UNC79: variants seen among roughly 807,000 people sequenced by gnomAD.
The protein encoded by UNC79 is unc-79 subunit of NALCN channel complex, also known as protein unc-79 homolog.
In UNC79, 37 loss-of-function variants were observed where a neutral mutation model predicts 283.1. That is an observed-to-expected ratio of 0.13 (90% confidence interval 0.10 to 0.17). The LOEUF (loss-of-function observed/expected upper bound fraction) is 0.17. Ranked by LOEUF, UNC79 falls within the 10% of genes least tolerant of loss-of-function variation. UNC79 has a pLI of 1.00. For missense variants in UNC79, 2,272 were observed against 3,211.1 expected (o/e 0.71, Z 7.07); for synonymous variants, 1,107 against 1,200.2 (o/e 0.92, Z 1.61).
At chr14:93,665,539 G>A (rs1307877595) in intron 40 of UNC79, among the ~76,000 whole-genome samples, 1 of 151,912 alleles carries the variant, frequency 6.6e-6, no homozygotes, top group Non-Finnish European at 1.5e-5. Flanking sequence ...AATGAGCCCT[G>A]AAAGTATTAT....
At chr14:93,687,377 T>C (rs1409021058) in intron 43 of UNC79, among the ~76,000 whole-genome samples, 1 of 152,220 alleles carries the variant, frequency 6.6e-6, no homozygotes, top group Non-Finnish European at 1.5e-5. Flanking sequence ...ACTTTCCTGC[T>C]GTGATTCAAC....
intron 1 of UNC79, among the ~76,000 whole-genome samples, chr14:93,363,521 A>G (rs1221774822): frequency 6.6e-6 from 1 of 152,120 alleles, no homozygotes; most frequent in Non-Finnish European, 1.5e-5. Flanking sequence ...CATCTTTGTT[A>G]GTTTTCTGCT....
At chr14:93,347,612 G>A (rs1227843223) in intron 1 of UNC79, among the ~76,000 whole-genome samples, 1 of 152,086 alleles carries the variant, frequency 6.6e-6, no homozygotes, top group Non-Finnish European at 1.5e-5. Flanking sequence ...GCACAGGGGC[G>A]GAAAGCCCGG....
At position 93,352,480 on chromosome 14, in the gene UNC79, A is replaced by C. The variant is rs552724648; in HGVS notation, c.-351+18957A>C. ...CTCAAGTTATTGAGTACTCTCATGCAATAATACTGTATGTTGGGAAATGGT... is the reference window on the plus strand; with the variant it reads ...CTCAAGTTATTGAGTACTCTCATGCCATAATACTGTATGTTGGGAAATGGT... On this transcript the variant is annotated intron_variant, in intron 1 of 49. Transcript: ENST00000256339. Among the ~76,000 whole-genome samples the C allele has an allele frequency of 2.0e-5, 3 of 152,314 alleles. No individual in the cohort carries two copies. In the East Asian group the frequency reaches 5.8e-4, roughly 29 times the overall value.
At chr14:93,466,787 G>A (rs78013287) in intron 1 of UNC79, 51,575 of 928,350 alleles carry the variant, frequency 0.056, 1,536 homozygotes, top group East Asian at 0.072. Context: ...CCAGAGAGAC[G>A]TTGATCATCA....
intron 8 of UNC79, among the ~76,000 whole-genome samples, chr14:93,528,026 A>G (rs1222998696): frequency 1.3e-5 from 2 of 152,258 alleles, no homozygotes; most frequent in East Asian, 1.9e-4. Context: ...TTGATACAGA[A>G]CTAAGATTCC....
At chr14:93,425,039 G>T (rs980336863) in intron 1 of UNC79, among the ~76,000 whole-genome samples, 1 of 152,084 alleles carries the variant, frequency 6.6e-6, no homozygotes, top group Non-Finnish European at 1.5e-5. Context: ...CACATGGCAG[G>T]TGTATTAGTC....
chr14:93,358,234 C>A (rs2054152593), intron 1 of UNC79, among the ~76,000 whole-genome samples: 1 of 151,962 alleles, frequency 6.6e-6, no homozygotes, highest in Non-Finnish European at 1.5e-5. Context: ...ATTTGACACC[C>A]CTGAGAGGCA....
At chr14:93,572,936 G>A in intron 16 of UNC79, 120 bp downstream of exon 16, 1 of 1,330,666 alleles carries the variant, frequency 7.5e-7, no homozygotes, top group Non-Finnish European at 1.0e-6. Flanking sequence ...TGTTTGCCAA[G>A]AAAGTGTATC....
intron 1 of UNC79, among the ~76,000 whole-genome samples, chr14:93,459,146 C>A (rs2056873538): frequency 6.6e-6 from 1 of 152,154 alleles, no homozygotes; most frequent in Non-Finnish European, 1.5e-5. Flanking sequence ...TGGGTGCCAC[C>A]AAAACTGGCT....
chr14:93,681,790 A>G (rs138911821), intron 41 of UNC79, among the ~76,000 whole-genome samples: 1 of 152,374 alleles, frequency 6.6e-6, no homozygotes, highest in East Asian at 1.9e-4. Context: ...CTATTAATAA[A>G]TAATTGAGTG....
At chr14:93,533,594 G>A (rs987265730) in intron 11 of UNC79, among the ~76,000 whole-genome samples, 12 of 152,100 alleles carry the variant, frequency 7.9e-5, no homozygotes, top group African/African-American at 2.7e-4. Flanking sequence ...ATGTCTCATC[G>A]TCCAGGGGCT....
chr14:93,578,008 A>T, exon 18 of UNC79: 1 of 1,614,252 alleles, frequency 6.2e-7, no homozygotes, highest in Non-Finnish European at 8.5e-7. Context: ...GATTGTGAAG[A>T]TGATGAAATG....
chr14:93,449,883 A>G (rs951570313), intron 1 of UNC79, among the ~76,000 whole-genome samples: 2 of 152,174 alleles, frequency 1.3e-5, no homozygotes. Flanking sequence ...TATAGATAAG[A>G]TACAGGAAAT....
chr14:93,538,530 G>A (rs1567073140), intron 12 of UNC79, among the ~76,000 whole-genome samples: 2 of 152,142 alleles, frequency 1.3e-5, no homozygotes, highest in Non-Finnish European at 1.5e-5. Flanking sequence ...GGTTTGGTGA[G>A]CTCAGTAATA....
exon 30 of UNC79, chr14:93,622,587 C>G: frequency 6.2e-7 from 1 of 1,614,092 alleles, no homozygotes; most frequent in East Asian, 2.2e-5. Context: ...GGGGCAAAAA[C>G]CGTCCTCCTC....
chr14:93,580,246 G>C, exon 19 of UNC79: 1 of 1,614,132 alleles, frequency 6.2e-7, no homozygotes, highest in Non-Finnish European at 8.5e-7. Flanking sequence ...GCCCCCTGGG[G>C]GGGATCCCAC....
intron 20 of UNC79, among the ~76,000 whole-genome samples, chr14:93,584,276 T>A (rs1595949829): frequency 6.6e-6 from 1 of 152,218 alleles, no homozygotes; most frequent in African/African-American, 2.4e-5. Context: ...TCACAATTTA[T>A]ACTTCATATT....
At chr14:93,633,491 C>T (rs1371049203) in intron 31 of UNC79, among the ~76,000 whole-genome samples, 8 of 152,210 alleles carry the variant, frequency 5.3e-5, no homozygotes, top group Admixed American at 3.9e-4. Context: ...GCGGTCATCC[C>T]GGTCTCTACC....
Sources: gnomAD v4.1 joint callset for allele counts (sites outside exome capture counted in the v4.1 genomes callset) on GRCh38, gnomAD v4.1.1 for gene constraint, MANE v1.5 for transcripts, NCBI Gene and HGNC (gene_info 2026-07-23, HGNC 2026-07-21) for gene names.